Variants in ADGRG2 observed in about 807,000 individuals in gnomAD.
The protein encoded by ADGRG2 is adhesion G protein-coupled receptor G2.
In ADGRG2, 26 loss-of-function variants were observed where a neutral mutation model predicts 74.1. That is an observed-to-expected ratio of 0.35 (90% CI 0.26 to 0.49). The LOEUF is 0.49. Ranked by LOEUF, ADGRG2 falls within the 20% of genes least tolerant of loss-of-function variation. The probability of loss-of-function intolerance (pLI) is 0.99; values close to 1 mark genes in which losing one functional copy is unlikely to be tolerated. For missense variants in ADGRG2, 619 were observed against 763.1 expected (o/e 0.81, Z 2.22); for synonymous variants, 296 against 295.2 (o/e 1.00, Z -0.03).
At chrX:19,064,903 G>A (rs1299834337) in intron 3 of ADGRG2, among the ~76,000 whole-genome samples, 1 of 111,189 alleles carries the variant, frequency 9.0e-6, no homozygotes, top group Non-Finnish European at 1.9e-5. Flanking sequence ...TATAGAGTGG[G>A]CTTTAAATGA....
At chrX:19,077,793 G>A (rs763435909) in intron 2 of ADGRG2, among the ~76,000 whole-genome samples, 3 of 111,619 alleles carry the variant, frequency 2.7e-5, no homozygotes, top group Admixed American at 9.6e-5. Flanking sequence ...AAATAAAACC[G>A]TTCATTCATA....
intron 3 of ADGRG2, among the ~76,000 whole-genome samples, chrX:19,052,391 G>A (rs1602006850): frequency 9.0e-6 from 1 of 111,048 alleles, no homozygotes; most frequent in African/African-American, 3.3e-5. Flanking sequence ...CAAAGTCATC[G>A]GCACAAAAAG....
intron 1 of ADGRG2, among the ~76,000 whole-genome samples, chrX:19,086,176 A>G (rs1206685388): frequency 8.9e-6 from 1 of 111,831 alleles, no homozygotes; most frequent in Non-Finnish European, 1.9e-5. Flanking sequence ...CGGAACAGGA[A>G]TGAGGATCTG....
At chrX:19,046,905 C>T (rs2061203619) in intron 3 of ADGRG2, among the ~76,000 whole-genome samples, 2 of 111,596 alleles carry the variant, frequency 1.8e-5, no homozygotes, top group Non-Finnish European at 3.8e-5. Flanking sequence ...GTCACTGACA[C>T]CCACTGGCCG....
chrX:19,014,470 T>G (rs890124103), intron 15 of ADGRG2, among the ~76,000 whole-genome samples: 1 of 111,984 alleles, frequency 8.9e-6, no homozygotes, highest in Non-Finnish European at 1.9e-5. Flanking sequence ...TTTACACTGC[T>G]ATAGCCTGGC....
At chrX:19,066,653 G>A (rs748880481) in intron 3 of ADGRG2, among the ~76,000 whole-genome samples, 27 of 108,665 alleles carry the variant, frequency 2.5e-4, no homozygotes, top group Middle Eastern at 4.7e-3. Flanking sequence ...TTGTAGAGAC[G>A]GGGTCTCACT....
At chrX:19,028,806 A>C (rs1402041790) in intron 9 of ADGRG2, among the ~76,000 whole-genome samples, 1 of 112,108 alleles carries the variant, frequency 8.9e-6, no homozygotes, top group Non-Finnish European at 1.9e-5. Context: ...CCTTGTGAGC[A>C]ATGGGGCAAG....
At chrX:19,117,175 A>G (rs2062534049) in intron 1 of ADGRG2, among the ~76,000 whole-genome samples, 2 of 109,432 alleles carry the variant, frequency 1.8e-5, no homozygotes, top group African/African-American at 6.7e-5. Context: ...GGCACCTGCA[A>G]TCTCAGCTAC....
rs1443604456 is a variant in ADGRG2, at chrX:18,995,197, C to G, written c.2717-149G>C. ...CACCTTCCACCAGTTGGTGTGATAA[C>G]ATGTATTTTCATTTGGATTATTTAC... On this transcript the variant is annotated intron_variant, in intron 27 of 28. Transcript: ENST00000379869. 2.2e-5 allele frequency: 9 copies of G among 408,467 alleles called. No individual in the cohort carries two copies. The Admixed American group carries it at 2.3e-4, about 11-fold the overall frequency. The allele number at this position is 408,467 out of a possible 1,213,427, so 33.7% of individuals were successfully genotyped here.
intron 11 of ADGRG2, among the ~76,000 whole-genome samples, chrX:19,025,022 G>A (rs928136811): frequency 8.9e-6 from 1 of 111,737 alleles, no homozygotes; most frequent in Non-Finnish European, 1.9e-5. Flanking sequence ...AGATCCACCT[G>A]CCTCGGCCTC....
chrX:19,053,441 C>T (rs906695304), intron 3 of ADGRG2, among the ~76,000 whole-genome samples: 8 of 111,329 alleles, frequency 7.2e-5, no homozygotes, highest in East Asian at 2.8e-4. Flanking sequence ...CCATAGTCCA[C>T]GTGACCCTGT....
At chrX:19,023,037 C>T (rs745916651) in intron 13 of ADGRG2, among the ~76,000 whole-genome samples, 1 of 111,754 alleles carries the variant, frequency 8.9e-6, no homozygotes, top group Non-Finnish European at 1.9e-5. Flanking sequence ...CCTTCCCCCT[C>T]TTTCCTTCTT....
chrX:19,102,763 C>T (rs1462376497), intron 1 of ADGRG2, among the ~76,000 whole-genome samples: 1 of 110,361 alleles, frequency 9.1e-6, no homozygotes, highest in Non-Finnish European at 1.9e-5. Flanking sequence ...CCCCACCTCT[C>T]TCTGCCAACT....
chrX:19,094,193 C>T (rs913181940), intron 1 of ADGRG2, among the ~76,000 whole-genome samples: 10 of 110,626 alleles, frequency 9.0e-5, no homozygotes, highest in African/African-American at 3.3e-4. Flanking sequence ...GATAGATGGA[C>T]ATACAGTATG....
chrX:19,032,830 T>C (rs1239000685), intron 8 of ADGRG2: 1 of 112,201 alleles, frequency 8.9e-6, no homozygotes, highest in East Asian at 2.8e-4. Context: ...GGCCCATTGG[T>C]GATAGTTTGC....
intron 1 of ADGRG2, among the ~76,000 whole-genome samples, chrX:19,092,933 AAGG>A (rs2062036058): frequency 1.8e-5 from 2 of 112,126 alleles, no homozygotes; most frequent in South Asian, 3.7e-4. Context: ...TAAATTACAG[AAGG>A]AGATCAGGAC....
intron 2 of ADGRG2, among the ~76,000 whole-genome samples, chrX:19,072,158 A>G (rs1260525331): frequency 3.4e-5 from 3 of 88,273 alleles, no homozygotes; most frequent in Non-Finnish European, 6.1e-5. Flanking sequence ...AAACATTATG[A>G]GTTTTTTTGC....
chrX:19,006,753 ATTTTT>A (rs35276629), intron 20 of ADGRG2, among the ~76,000 whole-genome samples: 2 of 81,841 alleles, frequency 2.4e-5, no homozygotes, highest in African/African-American at 5.6e-5. Flanking sequence ...TAGGTGGTCA[ATTTTT>A]TTTTTTTTTT....
chrX:19,047,734 C>A (rs2061222947), intron 3 of ADGRG2, among the ~76,000 whole-genome samples: 1 of 110,975 alleles, frequency 9.0e-6, no homozygotes, highest in Admixed American at 9.6e-5. Context: ...ATGGGAACCC[C>A]AAACAGAACA....
Sources: allele counts gnomAD v4.1 joint callset (sites outside exome capture counted in the v4.1 genomes callset), GRCh38; gene constraint gnomAD v4.1.1; transcripts MANE v1.5; gene names NCBI Gene and HGNC (gene_info 2026-07-23, HGNC 2026-07-21).